RNLS: variants seen among roughly 807,000 people sequenced by gnomAD.
The protein encoded by RNLS is renalase.
In RNLS, 39 loss-of-function variants were observed where a neutral mutation model predicts 39.8. The ratio of observed to expected loss-of-function variants is 0.98; its 90% CI spans 0.76 to 1.28. The LOEUF is 1.28. Ranked by LOEUF, RNLS falls within the 50% of genes most tolerant of loss-of-function variation. RNLS has a pLI of 0.00. For missense variants in RNLS, 410 were observed against 413.3 expected (o/e 0.99, Z 0.07); for synonymous variants, 147 against 150.7 (o/e 0.98, Z 0.18).
Position 88,582,854 on chromosome 10 carries a change from C to T in RNLS, c.118+219G>A, listed in dbSNP as rs557701821. Among the ~76,000 whole-genome samples, 20 of 152,356 alleles carry T rather than the reference C, an allele frequency of 1.3e-4. No individual in the cohort carries two copies. The East Asian group carries it at 3.1e-3, about 24-fold the overall frequency. On this transcript the variant is annotated intron_variant, in intron 1 of 6. Coordinates refer to ENST00000331772, the MANE Select transcript of RNLS (RefSeq NM_001031709.3). ...ACTCCTGCCGGGCCCCCACCCTCGC[C>T]CCCACCCTCGCCCCTTCTTGGGCCT...
chr10:88,564,468 T>C (rs1297125980), intron 4 of RNLS, among the ~76,000 whole-genome samples: 1 of 151,970 alleles, frequency 6.6e-6, no homozygotes, highest in East Asian at 1.9e-4. Context: ...TAACTAGAAG[T>C]AAAACTAGGA....
At chr10:88,323,970 CAT>C (rs373713534) in intron 5 of RNLS, among the ~76,000 whole-genome samples, 280 of 152,230 alleles carry the variant, frequency 1.8e-3, no homozygotes, top group African/African-American at 6.4e-3. Flanking sequence ...AACCAACAAA[CAT>C]ATGGATAAAT....
the RNLS span, among the ~76,000 whole-genome samples, chr10:88,206,235 T>C: frequency 6.4e-4 from 97 of 152,350 alleles, no homozygotes; most frequent in African/African-American, 2.3e-3. Flanking sequence ...ACTCTGCATT[T>C]TAGTGGTGTC....
intron 4 of RNLS, among the ~76,000 whole-genome samples, chr10:88,408,567 C>T (rs1307189443): frequency 2.0e-5 from 3 of 152,020 alleles, no homozygotes; most frequent in Non-Finnish European, 4.4e-5. Flanking sequence ...CCACTGCACC[C>T]GGCCAATAAA....
At position 88,507,649 on chromosome 10, in the gene RNLS, A is replaced by G. The variant is rs115268878; in HGVS notation, c.526+65254T>C. Reference sequence around the variant, plus strand: ...TAAAGGGCAAAATTCACAAAGGATTACCACTATCAGGTTTTTTAAAAGAGA... The same window carrying G: ...TAAAGGGCAAAATTCACAAAGGATTGCCACTATCAGGTTTTTTAAAAGAGA... On this transcript the variant is annotated intron_variant, in intron 4 of 6. Coordinates refer to ENST00000331772, the MANE Select transcript of RNLS (RefSeq NM_001031709.3). 1.6e-3 allele frequency among the ~76,000 whole-genome samples: 249 copies of G among 152,264 alleles called. 1 individual carries two copies. Among genetic ancestry groups the G allele is most frequent in the African/African-American group, 5.7e-3 (238 of 41,580 alleles).
chr10:88,186,370 T>C, the RNLS span, among the ~76,000 whole-genome samples: 1 of 152,218 alleles, frequency 6.6e-6, no homozygotes, highest in African/African-American at 2.4e-5. Flanking sequence ...ATATATCATA[T>C]AGACGAACAG....
At chr10:88,266,959 T>A in the RNLS span, among the ~76,000 whole-genome samples, 1 of 152,098 alleles carries the variant, frequency 6.6e-6, no homozygotes, top group South Asian at 2.1e-4. Flanking sequence ...CAGGCTGAGG[T>A]CATCTCAAAT....
chr10:88,284,223 T>C lies in RNLS; in HGVS notation c.*1131A>G, dbSNP rs1843125897. 2.0e-6 allele frequency: 2 copies of C among 985,364 alleles called. No homozygotes were observed. The highest frequency in any genetic ancestry group is 2.4e-6 in the Non-Finnish European group (2 of 829,876). The allele number at this position is 985,364 out of a possible 1,614,324, so 61.0% of individuals were successfully genotyped here. A position where few individuals can be genotyped will look rare whatever the true frequency, so the allele number is the denominator to read the frequency against. On this transcript the variant is annotated 3_prime_UTR_variant, in exon 7 of 7. Coordinates refer to ENST00000331772, the MANE Select transcript of RNLS (RefSeq NM_001031709.3). ...TTCTGCCTGTGCCTGTGTATGTGTATGTATGACAGTGGACATGTAAGTGTG... is the reference window on the plus strand; with the variant it reads ...TTCTGCCTGTGCCTGTGTATGTGTACGTATGACAGTGGACATGTAAGTGTG...
intron 5 of RNLS, among the ~76,000 whole-genome samples, chr10:88,328,279 AT>A (rs57875803): frequency 0.45 from 68,384 of 151,924 alleles, 16,004 homozygotes; most frequent in South Asian, 0.61. Context: ...TTGCATTATG[AT>A]TTTTTTTGTC....
chr10:88,556,120 C>T (rs999811126), intron 4 of RNLS, among the ~76,000 whole-genome samples: 3 of 152,132 alleles, frequency 2.0e-5, no homozygotes, highest in African/African-American at 7.2e-5. Context: ...CCTACTTCTC[C>T]CTCAGTTTTC....
intron 4 of RNLS, among the ~76,000 whole-genome samples, chr10:88,511,946 T>C (rs1311574995): frequency 6.6e-6 from 1 of 152,200 alleles, no homozygotes; most frequent in Non-Finnish European, 1.5e-5. Flanking sequence ...AAATGCACAA[T>C]AATTTATTTA....
chr10:88,363,515 A>G (rs1209820804), intron 4 of RNLS, among the ~76,000 whole-genome samples: 1 of 152,142 alleles, frequency 6.6e-6, no homozygotes, highest in Non-Finnish European at 1.5e-5. Context: ...CCAGTGGATT[A>G]TGGGCAGAAA....
At chr10:88,461,939 T>C (rs1842950817) in intron 4 of RNLS, among the ~76,000 whole-genome samples, 1 of 152,064 alleles carries the variant, frequency 6.6e-6, no homozygotes, top group Admixed American at 6.6e-5. Context: ...TGTAAAGCAA[T>C]TTGAAATGCT....
At chr10:88,415,699 C>T (rs1000617010) in intron 4 of RNLS, among the ~76,000 whole-genome samples, 1 of 152,120 alleles carries the variant, frequency 6.6e-6, no homozygotes, top group Non-Finnish European at 1.5e-5. Flanking sequence ...ATGAGATATG[C>T]ATGTATGCTT....
chr10:88,285,307 G>A lies in RNLS; in HGVS notation c.*47C>T, dbSNP rs758122407. ...ACAAAATAATCAATAACAGAAAATT[G>A]TGAAAATAAAAACCCAATACACATG... On this transcript the variant is annotated 3_prime_UTR_variant, in exon 7 of 7. Coordinates refer to ENST00000331772, the MANE Select transcript of RNLS (RefSeq NM_001031709.3). 2.8e-6 allele frequency: 4 copies of A among 1,440,528 alleles called. No homozygotes were observed. The highest frequency in any genetic ancestry group is 3.2e-5 in the South Asian group (2 of 62,240). The allele number at this position is 1,440,528 out of a possible 1,614,324, so 89.2% of individuals were successfully genotyped here.
intron 4 of RNLS, among the ~76,000 whole-genome samples, chr10:88,467,587 A>G (rs1281772764): frequency 1.3e-5 from 2 of 152,140 alleles, no homozygotes; most frequent in East Asian, 3.9e-4. Flanking sequence ...CTAAGAGACT[A>G]ACTGAGACAA....
chr10:88,349,731 T>G (rs1848545388), intron 5 of RNLS, among the ~76,000 whole-genome samples: 1 of 151,876 alleles, frequency 6.6e-6, no homozygotes, highest in Admixed American at 6.6e-5. Context: ...ATACACATAT[T>G]GTATATAAGT....
At chr10:88,335,746 C>G (rs1241545738) in intron 5 of RNLS, among the ~76,000 whole-genome samples, 1 of 152,172 alleles carries the variant, frequency 6.6e-6, no homozygotes, top group East Asian at 1.9e-4. Flanking sequence ...AGAGGTTGCT[C>G]TGTGATCCTT....
chr10:88,503,799 G>A (rs891849547), intron 4 of RNLS, among the ~76,000 whole-genome samples: 2 of 152,140 alleles, frequency 1.3e-5, no homozygotes, highest in Non-Finnish European at 2.9e-5. Flanking sequence ...TGGGCTGGAC[G>A]TGGTGACTCA....
Sources: gnomAD v4.1 joint callset for allele counts (sites outside exome capture counted in the v4.1 genomes callset) on GRCh38, gnomAD v4.1.1 for gene constraint, MANE v1.5 for transcripts, NCBI Gene and HGNC (gene_info 2026-07-23, HGNC 2026-07-21) for gene names.